The following STK36 variants were observed in gnomAD, a reference collection of about 807,000 sequenced individuals.
STK36 encodes serine/threonine-protein kinase 36.
STK36 carries 116 observed loss-of-function variants against 142.2 expected under a neutral mutation model. The ratio of observed to expected loss-of-function variants is 0.82; its 90% CI spans 0.70 to 0.95. The LOEUF is 0.95. Ranked by LOEUF, STK36 falls within the 40% of genes least tolerant of loss-of-function variation. The pLI, the probability that STK36 is intolerant of heterozygous loss-of-function variation, is 0.00. For synonymous variants in STK36, 619 were observed against 641.7 expected, an observed-to-expected ratio of 0.96 and a Z score of 0.53; for missense variants, 1,422 against 1,617.2, an observed-to-expected ratio of 0.88 and a Z score of 2.07.
intron 10 of STK36, among the ~76,000 whole-genome samples, chr2:218,682,776 A>T (rs1940584481): frequency 6.6e-6 from 1 of 151,754 alleles, no homozygotes; most frequent in Admixed American, 6.6e-5. Context: ...GTGTTTTTTT[A>T]GAGAGAAGGT....
intron 1 of STK36, 187 bp downstream of exon 1, chr2:218,672,402 C>T: frequency 3.3e-6 from 1 of 305,804 alleles, no homozygotes. Context: ...GCGCACGGGC[C>T]AGGGGGTCTG....
rs367632446 is a variant in STK36 at position 218,693,868 on chromosome 2, T to G, written c.2248-27T>G. On this transcript the variant is annotated intron_variant, in intron 18 of 26. Coordinates refer to ENST00000295709, the MANE Select transcript of STK36 (RefSeq NM_015690.5). ...GCCCCACTGTCTCAGCCAGAGGTTGTTCTGATATCTTAGGTTTCCTTTGTA... is the reference window on the plus strand; with the variant it reads ...GCCCCACTGTCTCAGCCAGAGGTTGGTCTGATATCTTAGGTTTCCTTTGTA... The G allele has an allele frequency of 3.1e-6, 5 of 1,614,182 alleles. No individual in the cohort carries two copies. The African/African-American group carries it at 4.0e-5, about 13-fold the overall frequency.
Position 218,698,997 on chromosome 2 carries a change from T to C in STK36, c.3453T>C (p.Ser1151=). ...MALRGALQSQ[S]GLLSLLLLGL... Reference sequence around the variant, plus strand: ...TGCGTGGGGCACTGCAGAGCCAGTCTGGACTGCTCAGCCTTCTGCTGCTTG... The same window carrying C: ...TGCGTGGGGCACTGCAGAGCCAGTCCGGACTGCTCAGCCTTCTGCTGCTTG... Residue 1151 remains serine, a synonymous_variant, in exon 26 of 27, where the codon TCT becomes TCC. Coordinates refer to ENST00000295709, the MANE Select transcript of STK36 (RefSeq NM_015690.5). 1 of 1,614,188 alleles carries C rather than the reference T, an allele frequency of 6.2e-7. No individual in the cohort carries two copies. The highest frequency in any genetic ancestry group is 8.5e-7 in the Non-Finnish European group (1 of 1,180,024).
intron 11 of STK36, among the ~76,000 whole-genome samples, chr2:218,687,362 C>A (rs1940818975): frequency 6.6e-6 from 1 of 152,114 alleles, no homozygotes; most frequent in Non-Finnish European, 1.5e-5. Flanking sequence ...TTTCTCTTTT[C>A]CTAAGTTTTA....
rs148113887 is a variant in STK36 at position 218,699,291 on chromosome 2, G to T, written c.3747G>T (p.Val1249=). 4.3e-6 allele frequency: 7 copies of T among 1,614,102 alleles called. No individual in the cohort carries two copies. Among genetic ancestry groups the T allele is most frequent in the Non-Finnish European group, 5.9e-6 (7 of 1,180,020 alleles). The change falls in exon 26 of 27, where the codon GTG becomes GTT. Residue 1249 remains valine, a synonymous_variant. Transcript: ENST00000295709. The part of the protein sequence containing the change: ...EMACGDPQPN[V]KEAALIALRS... ...CATGTGGAGACCCCCAGCCAAATGT[G>T]AAGGAGGCTGCCCTCATTGCCCTCC... is the stretch of plus-strand genomic sequence containing the variant.
chr2:218,679,788 G>A, intron 8 of STK36, 59 bp downstream of exon 8: 1 of 1,610,618 alleles, frequency 6.2e-7, no homozygotes, highest in Non-Finnish European at 8.5e-7. Context: ...GGAGTTAGAG[G>A]AGGAGGGTGA....
intron 14 of STK36, among the ~76,000 whole-genome samples, 155 bp downstream of exon 14, chr2:218,690,710 T>C (rs1940967596): frequency 6.6e-6 from 1 of 152,176 alleles, no homozygotes; most frequent in Non-Finnish European, 1.5e-5. Context: ...TAAGAAAAAG[T>C]GCCTGCCTTC....
At chr2:218,696,749 G>A in intron 22 of STK36, 148 bp downstream of exon 22, 1 of 962,128 alleles carries the variant, frequency 1.0e-6, no homozygotes, top group Non-Finnish European at 1.7e-6. Flanking sequence ...TTCCCCGCCT[G>A]CCCTCAGTAC....
chr2:218,686,107 T>G (rs1940766096), intron 11 of STK36, among the ~76,000 whole-genome samples: 1 of 151,954 alleles, frequency 6.6e-6, no homozygotes, highest in Non-Finnish European at 1.5e-5. Flanking sequence ...CCCGGTTAAT[T>G]TTTTTGTATT....
chr2:218,688,856 G>C lies in STK36; in HGVS notation c.1540G>C (p.Glu514Gln). ...LLLSLLRHSQ[E>Q]SNSLQQQSWY... Reference sequence around the variant, plus strand: ...GCTGAGTCTACTCAGGCACAGTCAGGAGAGCAACAGCCTCCAGCAGGTAAG... The same window carrying C: ...GCTGAGTCTACTCAGGCACAGTCAGCAGAGCAACAGCCTCCAGCAGGTAAG... Residue 514 changes from glutamate to glutamine, a missense_variant, in exon 12 of 27, where the codon GAG becomes CAG. Coordinates refer to ENST00000295709, the MANE Select transcript of STK36 (RefSeq NM_015690.5). 1 of 1,610,958 alleles carries C rather than the reference G, an allele frequency of 6.2e-7. No individual in the cohort carries two copies. Among genetic ancestry groups the C allele is most frequent in the Non-Finnish European group, 8.5e-7 (1 of 1,179,160 alleles).
Position 218,673,684 on chromosome 2 carries a change from G to T in STK36, c.144G>T (p.Leu48Phe), listed in dbSNP as rs200880634. 2 of 1,614,156 alleles carry T rather than the reference G, an allele frequency of 1.2e-6. No homozygotes were observed. Among genetic ancestry groups the T allele is most frequent in the Admixed American group, 3.3e-5 (2 of 60,016 alleles). ...GCTCAGAGAAGGAGCTGAGGAATTTGCAACGAGAGATTGAAATAATGCGGG... is the reference window on the plus strand; with the variant it reads ...GCTCAGAGAAGGAGCTGAGGAATTTTCAACGAGAGATTGAAATAATGCGGG... The part of the protein sequence containing the change: ...LGRSEKELRN[L>F]QREIEIMRGL... Residue 48 changes from leucine to phenylalanine, a missense_variant, in exon 3 of 27, where the codon TTG (leucine) becomes TTT (phenylalanine). Transcript: ENST00000295709.
At chr2:218,698,046 C>A (rs531585788) in intron 25 of STK36, 45 bp downstream of exon 25, 3 of 1,611,318 alleles carry the variant, frequency 1.9e-6, no homozygotes, top group South Asian at 1.1e-5. Context: ...AGATAGCCAA[C>A]CTTGTATCCT....
At chr2:218,692,056 T>G (rs1941021006) in intron 14 of STK36, 87 bp from the exon 15 acceptor site, 22 of 1,511,064 alleles carry the variant, frequency 1.5e-5, no homozygotes, top group Non-Finnish European at 2.0e-5. Flanking sequence ...TTGTCCTCTT[T>G]CCTCAGATCC....
At chr2:218,688,375 G>A (rs1004293754) in intron 11 of STK36, 6 of 515,740 alleles carry the variant, frequency 1.2e-5, no homozygotes, top group African/African-American at 9.5e-5. Context: ...CGGTGCACGT[G>A]TTTTTTGTTT....
chr2:218,684,853 C>G (rs1041174695), intron 10 of STK36: 1 of 420,940 alleles, frequency 2.4e-6, no homozygotes, highest in Admixed American at 3.9e-5. Context: ...GGACGTCTTT[C>G]TAGGTATCTC....
intron 10 of STK36, among the ~76,000 whole-genome samples, chr2:218,682,164 T>A (rs537786127): frequency 6.6e-6 from 1 of 152,244 alleles, no homozygotes; most frequent in Non-Finnish European, 1.5e-5. Flanking sequence ...TGACCTTAGG[T>A]GATCTGCCTG....
At chr2:218,677,342 T>A (rs1341003949) in intron 6 of STK36, among the ~76,000 whole-genome samples, 3 of 152,102 alleles carry the variant, frequency 2.0e-5, no homozygotes, top group Non-Finnish European at 2.9e-5. Flanking sequence ...ACCAGACCCC[T>A]CCTCCAACAT....
At chr2:218,697,660 A>G (rs768599418) in intron 24 of STK36, 50 bp downstream of exon 24, 1 of 1,609,354 alleles carries the variant, frequency 6.2e-7, no homozygotes, top group Non-Finnish European at 8.5e-7. Context: ...GGGAGGGAGA[A>G]AGAAGAAGGC....
intron 16 of STK36, 23 bp downstream of exon 16, chr2:218,692,733 CCT>C: frequency 5.6e-6 from 9 of 1,599,932 alleles, no homozygotes; most frequent in Non-Finnish European, 7.7e-6. Context: ...ATTGGTTGTT[CCT>C]CTCATCCTAC....
Sources: allele counts gnomAD v4.1 joint callset (sites outside exome capture counted in the v4.1 genomes callset), GRCh38; gene constraint gnomAD v4.1.1; transcripts MANE v1.5; gene names NCBI Gene and HGNC (gene_info 2026-07-23, HGNC 2026-07-21).